Variants in TEX14 observed in about 807,000 individuals in gnomAD.
TEX14 encodes the protein inactive serine/threonine-protein kinase TEX14.
Under a neutral mutation model 178.6 loss-of-function variants are expected in TEX14, and 168 were observed. That is an observed-to-expected ratio of 0.94 (90% CI 0.83 to 1.07). TEX14 has a LOEUF of 1.07. Among genes scored for constraint, TEX14 ranks in the 50% least tolerant of loss-of-function variants. The probability of loss-of-function intolerance (pLI) is 0.00; values close to 1 mark genes in which losing one functional copy is unlikely to be tolerated. For synonymous variants in TEX14, 626 were observed against 634.1 expected (o/e 0.99, Z 0.19); for missense variants, 1,730 against 1,753.6 (o/e 0.99, Z 0.24).
In TEX14 at chr17:58,645,364, A is replaced by AT. The variant is rs942793960; in HGVS notation, c.136+6501dup. Among the ~76,000 whole-genome samples the AT allele has an allele frequency of 9.1e-4, 124 of 136,128 alleles. No homozygotes were observed. The Middle Eastern group carries it at 0.014, about 16-fold the overall frequency. 89.3% of individuals were successfully genotyped at this position (136,128 alleles called of 152,430 possible). A position where few individuals can be genotyped will look rare whatever the true frequency, so the allele number is the denominator to read the frequency against. ...TCATAGATATATTATGGCTTCTATA[A>AT]TTTTTTTTTTTTGAGACGGAGTCTC... On this transcript the variant is annotated intron_variant, in intron 2 of 31. Transcript: ENST00000349033.
chr17:58,609,604 C>T (rs1409504632), intron 10 of TEX14, among the ~76,000 whole-genome samples: 1 of 152,150 alleles, frequency 6.6e-6, no homozygotes, highest in Non-Finnish European at 1.5e-5. Flanking sequence ...AATGCCTATC[C>T]TAAGAACACA....
chr17:58,655,732 C>T (rs1443930197), intron 1 of TEX14, among the ~76,000 whole-genome samples: 7 of 152,154 alleles, frequency 4.6e-5, no homozygotes, highest in Non-Finnish European at 8.8e-5. Context: ...TTCGGCACCC[C>T]GAGACGAGCC....
At chr17:58,643,935 T>C (rs1031951499) in intron 2 of TEX14, among the ~76,000 whole-genome samples, 1 of 147,628 alleles carries the variant, frequency 6.8e-6, no homozygotes, top group Non-Finnish European at 1.5e-5. Flanking sequence ...GTTTTCTCTG[T>C]TTTCTCCCCC....
chr17:58,679,931 G>T (rs1298549353), intron 1 of TEX14, among the ~76,000 whole-genome samples: 1 of 152,128 alleles, frequency 6.6e-6, no homozygotes, highest in Admixed American at 6.6e-5. Flanking sequence ...CCCTTTGGAT[G>T]ATCTCATTCA....
At chr17:58,639,659 C>T (rs1056950368) in intron 2 of TEX14, among the ~76,000 whole-genome samples, 10 of 152,144 alleles carry the variant, frequency 6.6e-5, no homozygotes, top group Non-Finnish European at 8.8e-5. Flanking sequence ...CCTCATAAGA[C>T]AGTATGAGCT....
In TEX14 at chr17:58,602,606, C is replaced by T; in HGVS notation, c.1337-16G>A. The T allele has an allele frequency of 6.3e-7, 1 of 1,592,750 alleles. No homozygotes were observed. Among genetic ancestry groups the T allele is most frequent in the Non-Finnish European group, 8.6e-7 (1 of 1,167,964 alleles). On this transcript the variant is annotated splice_polypyrimidine_tract_variant and intron_variant, in intron 11 of 31. Coordinates refer to ENST00000349033, the MANE Select transcript of TEX14 (RefSeq NM_031272.5). ...GGTATGTCATCTGTAAGGAAAAAGTCATACAAAAGAGTAAATTAGGAAACC... is the reference window on the plus strand; with the variant it reads ...GGTATGTCATCTGTAAGGAAAAAGTTATACAAAAGAGTAAATTAGGAAACC...
chr17:58,573,136 G>C, intron 23 of TEX14, 45 bp downstream of exon 23: 1 of 1,607,774 alleles, frequency 6.2e-7, no homozygotes, highest in East Asian at 2.2e-5. Flanking sequence ...AATGGGCTGG[G>C]GCTGTAAGTC....
chr17:58,592,261 A>G (rs1012641496), intron 15 of TEX14, among the ~76,000 whole-genome samples: 5 of 149,346 alleles, frequency 3.3e-5, no homozygotes, highest in African/African-American at 1.2e-4. Context: ...TCAGAATCTC[A>G]CTCTGTTGCC....
In TEX14 at chr17:58,587,596, G is replaced by GT. The variant is rs772758913; in HGVS notation, c.2772dup (p.His925ThrfsTer30). The GT allele has an allele frequency of 9.4e-6, 15 of 1,590,326 alleles. No individual in the cohort carries two copies. Among genetic ancestry groups the GT allele is most frequent in the Non-Finnish European group, 1.3e-5 (15 of 1,163,656 alleles). ...TTATACTCACTTTTCCATTTTAAGT[G>GT]TACCTTTCCATCATCTTTATTTCTG... On this transcript the variant is annotated frameshift_variant, in exon 17 of 32. Transcript: ENST00000349033. LOFTEE classifies it high-confidence loss of function.
chr17:58,650,217 C>T (rs1163835007), intron 2 of TEX14, among the ~76,000 whole-genome samples: 1 of 150,884 alleles, frequency 6.6e-6, no homozygotes, highest in African/African-American at 2.4e-5. Flanking sequence ...GCCACCACAC[C>T]CGGCTAATTA....
chr17:58,644,972 TC>T (rs2046667615), intron 2 of TEX14, among the ~76,000 whole-genome samples: 1 of 148,910 alleles, frequency 6.7e-6, no homozygotes, highest in African/African-American at 2.5e-5. Flanking sequence ...TGAGTTGTAT[TC>T]TTTTTTTTTT....
intron 15 of TEX14, among the ~76,000 whole-genome samples, chr17:58,590,678 C>T (rs1388197588): frequency 1.3e-5 from 2 of 151,914 alleles, no homozygotes; most frequent in Non-Finnish European, 2.9e-5. Context: ...CCTCAGCCTC[C>T]CAAGTAGGAG....
At chr17:58,683,039 C>T (rs1314324754) in intron 1 of TEX14, among the ~76,000 whole-genome samples, 6 of 126,382 alleles carry the variant, frequency 4.7e-5, no homozygotes, top group African/African-American at 1.6e-4. Context: ...GGCGACAGTG[C>T]GAGAGTCTGT....
chr17:58,678,863 G>A (rs2047440144), intron 1 of TEX14, among the ~76,000 whole-genome samples: 1 of 99,706 alleles, frequency 1.0e-5, no homozygotes, highest in Non-Finnish European at 2.1e-5. Context: ...TAAAAGAGAA[G>A]GACACTGGAG....
At chr17:58,648,790 T>C (rs545266449) in intron 2 of TEX14, among the ~76,000 whole-genome samples, 11 of 139,564 alleles carry the variant, frequency 7.9e-5, no homozygotes, top group South Asian at 5.1e-4. Flanking sequence ...TTTTTTCTTT[T>C]TTTTTTTTTT....
At chr17:58,659,206 C>T (rs973196671) in intron 1 of TEX14, 3 of 278,718 alleles carry the variant, frequency 1.1e-5, no homozygotes, top group Non-Finnish European at 1.6e-5. Context: ...CGAGTTTTCT[C>T]ATTCGGGGAA....
At chr17:58,598,315 CAA>C (rs528645875) in intron 14 of TEX14, among the ~76,000 whole-genome samples, 46 of 83,976 alleles carry the variant, frequency 5.5e-4, no homozygotes, top group Non-Finnish European at 3.3e-4. Context: ...ACTCTGTCTC[CAA>C]AAAAAAAAAA....
chr17:58,599,023 A>T lies in TEX14; in HGVS notation c.2322T>A (p.Thr774=). 6.2e-7 allele frequency: 1 copy of T among 1,614,162 alleles called. No individual in the cohort carries two copies. Among genetic ancestry groups the T allele is most frequent in the East Asian group, 2.2e-5 (1 of 44,886 alleles). The change falls in exon 14 of 32, where the codon ACT becomes ACA. Residue 774 remains threonine, a synonymous_variant. Coordinates refer to ENST00000349033, the MANE Select transcript of TEX14 (RefSeq NM_031272.5). ...TGTAGGCATTTGTAAACTCTCTTGA[A>T]GTGGCCCATAAAGACATGCGCTCTT... The part of the protein sequence containing the change: ...EQEERMSLWA[T]SREFTNAYKL...
In TEX14 at chr17:58,572,090, C is replaced by G. The variant is rs1322176298; in HGVS notation, c.3548G>C (p.Cys1183Ser). 1 of 1,614,102 alleles carries G rather than the reference C, an allele frequency of 6.2e-7. No homozygotes were observed. The highest frequency in any genetic ancestry group is 1.7e-5 in the Admixed American group (1 of 60,020). ...AACCTGAAATGTGATACTTTCAAGGCAGTCTTTATACTGACTGGCAGCTGA... is the reference window on the plus strand; with the variant it reads ...AACCTGAAATGTGATACTTTCAAGGGAGTCTTTATACTGACTGGCAGCTGA... ...VSSAASQYKD[C>S]LESITFQVKT... Residue 1183 changes from cysteine (C) to serine (S), a missense_variant, in exon 24 of 32, where the codon TGC becomes TCC. Around this residue, in one of 2 missense-constraint regions of TEX14, gnomAD observed 941 missense variants for 1,072.4 expected, o/e 0.88. Coordinates refer to ENST00000349033, the MANE Select transcript of TEX14 (RefSeq NM_031272.5).
Sources: gnomAD v4.1 joint callset for allele counts (sites outside exome capture counted in the v4.1 genomes callset) on GRCh38, gnomAD v4.1.1 for gene constraint, gnomAD v4.1.1 regional missense constraint, MANE v1.5 for transcripts, NCBI Gene and HGNC (gene_info 2026-07-23, HGNC 2026-07-21) for gene names.